Variants in KDM7A observed in about 807,000 individuals in gnomAD.
KDM7A encodes the protein lysine-specific demethylase 7A.
A neutral mutation model predicts 114.8 loss-of-function variants in KDM7A; 28 were observed. That is an observed-to-expected ratio of 0.24 (90% CI 0.18 to 0.33). The LOEUF is 0.33. KDM7A is among the 10% of genes least tolerant of loss of function. The pLI is 1.00. For missense variants in KDM7A, 942 were observed against 1,142.5 expected (o/e 0.82, Z 2.53); for synonymous variants, 423 against 397.8 (o/e 1.06, Z -0.75).
chr7:140,168,309 T>G (rs916855189), intron 1 of KDM7A, among the ~76,000 whole-genome samples: 4 of 152,210 alleles, frequency 2.6e-5, no homozygotes, highest in Non-Finnish European at 5.9e-5. Context: ...CTCATACCTG[T>G]AATCCCAGCA....
At chr7:140,173,219 C>T (rs1289536115) in intron 1 of KDM7A, among the ~76,000 whole-genome samples, 1 of 151,912 alleles carries the variant, frequency 6.6e-6, no homozygotes, top group Non-Finnish European at 1.5e-5. Flanking sequence ...CAGAACATTC[C>T]CGGCAAAATC....
At chr7:140,100,465 A>C (rs540175685) in intron 12 of KDM7A, among the ~76,000 whole-genome samples, 1 of 151,878 alleles carries the variant, frequency 6.6e-6, no homozygotes, top group Non-Finnish European at 1.5e-5. Context: ...ACCACTAGGA[A>C]CAAGGGTCAC....
chr7:140,121,650 GC>G (rs1446333197), intron 7 of KDM7A, among the ~76,000 whole-genome samples: 2 of 152,182 alleles, frequency 1.3e-5, no homozygotes, highest in Non-Finnish European at 2.9e-5. Context: ...GTGAGTGGGA[GC>G]CAGGAGTACA....
chr7:140,139,130 A>G lies in KDM7A; in HGVS notation c.255T>C (p.Cys85=). Residue 85 remains cysteine, a synonymous_variant, in exon 2 of 20, where the codon TGT becomes TGC. Coordinates refer to ENST00000397560, the MANE Select transcript of KDM7A (RefSeq NM_030647.2). Reference sequence around the variant, plus strand: ...TCAAGGAGGAACCATGTAAAACTGCACAGTTGGGACAGTGATACAGGTCAA... The same window carrying G: ...TCAAGGAGGAACCATGTAAAACTGCGCAGTTGGGACAGTGATACAGGTCAA... ...VDIDLYHCPN[C]AVLHGSSLMK... is the part of the protein sequence containing the mutation. The G allele has an allele frequency of 6.2e-7, 1 of 1,612,874 alleles. No individual in the cohort carries two copies. The highest frequency in any genetic ancestry group is 2.2e-5 in the East Asian group (1 of 44,822).
chr7:140,120,426 T>C lies in KDM7A; in HGVS notation c.1139+16A>G, dbSNP rs1488298907. 28 of 1,532,578 alleles carry C rather than the reference T, an allele frequency of 1.8e-5. No homozygotes were observed. The highest frequency in any genetic ancestry group is 2.5e-5 in the Non-Finnish European group (28 of 1,106,630). 94.9% of individuals were successfully genotyped at this position (1,532,578 alleles called of 1,614,324 possible). ...TAAAAAGGACAAAAGGTCATTTAAA[T>C]ACTGATGACACAAACCTGAGCTGCA... On this transcript the variant is annotated intron_variant, in intron 8 of 19. Coordinates refer to ENST00000397560, the MANE Select transcript of KDM7A (RefSeq NM_030647.2).
At chr7:140,166,335 CTTTTTTTTTTTTTT>C (rs746518929) in intron 1 of KDM7A, among the ~76,000 whole-genome samples, 1 of 128,668 alleles carries the variant, frequency 7.8e-6, no homozygotes, top group Non-Finnish European at 1.7e-5. Context: ...CTTTTTTTTC[CTTTTTTTTTTTTTT>C]TTTTTTTTGA....
rs369664125 is a variant in KDM7A at position 140,111,100 on chromosome 7, T to C, written c.1423A>G (p.Ile475Val). 7 of 1,565,550 alleles carry C rather than the reference T, an allele frequency of 4.5e-6. No homozygotes were observed. In the East Asian group the frequency reaches 1.1e-4, roughly 25 times the overall value. Residue 475 changes from isoleucine (I) to valine (V), a missense_variant, in exon 11 of 20, where the codon ATA becomes GTA. This residue lies in a region of KDM7A where 512 missense variants were observed against 576.6 expected (regional missense o/e 0.89). Coordinates refer to ENST00000397560, the MANE Select transcript of KDM7A (RefSeq NM_030647.2). Reference protein sequence around the residue: ...IKELSKVIRAIEEENGKPVKS... With the variant: ...IKELSKVIRAVEEENGKPVKS... ...ATGACAGTTTCCACTCTTACCTCTA[T>C]TGCTCGAATTACTTTAGAAAGTTCT...
intron 2 of KDM7A, among the ~76,000 whole-genome samples, chr7:140,138,814 G>A (rs996812177): frequency 6.6e-6 from 1 of 152,194 alleles, no homozygotes; most frequent in Non-Finnish European, 1.5e-5. Context: ...TCCAGAAACA[G>A]AAAAATTTTA....
At chr7:140,142,957 G>A (rs1201836801) in intron 1 of KDM7A, among the ~76,000 whole-genome samples, 6 of 151,764 alleles carry the variant, frequency 4.0e-5, no homozygotes, top group Admixed American at 1.3e-4. Context: ...CAAGGCGGGC[G>A]GATCACGAGG....
chr7:140,137,375 A>T (rs1818888741), intron 2 of KDM7A, among the ~76,000 whole-genome samples: 1 of 152,252 alleles, frequency 6.6e-6, no homozygotes, highest in South Asian at 2.1e-4. Context: ...GCCTCATAGT[A>T]ACTTACTTAG....
chr7:140,153,480 C>T (rs1267128025), intron 1 of KDM7A, among the ~76,000 whole-genome samples: 2 of 142,102 alleles, frequency 1.4e-5, no homozygotes, highest in African/African-American at 5.3e-5. Flanking sequence ...AGCGAGACTC[C>T]GTCTCAAAAA....
intron 1 of KDM7A, among the ~76,000 whole-genome samples, chr7:140,171,304 CAAAAAAAAA>C (rs59757938): frequency 1.6e-5 from 2 of 127,882 alleles, no homozygotes; most frequent in African/African-American, 2.8e-5. Flanking sequence ...ACTAAAAATA[CAAAAAAAAA>C]AAAAAATTAG....
At chr7:140,121,666 G>A (rs1428093240) in intron 7 of KDM7A, among the ~76,000 whole-genome samples, 1 of 152,174 alleles carries the variant, frequency 6.6e-6, no homozygotes, top group Non-Finnish European at 1.5e-5. Context: ...AGTACAATAT[G>A]TGAGACAGTT....
At chr7:140,149,352 A>G (rs901923520) in intron 1 of KDM7A, among the ~76,000 whole-genome samples, 1 of 152,216 alleles carries the variant, frequency 6.6e-6, no homozygotes, top group African/African-American at 2.4e-5. Context: ...TTTGCTCTTT[A>G]CTGCCTGACA....
At chr7:140,103,019 TAAGTA>T (rs375741421) in intron 11 of KDM7A, among the ~76,000 whole-genome samples, 46 of 152,264 alleles carry the variant, frequency 3.0e-4, no homozygotes, top group African/African-American at 1.1e-3. Flanking sequence ...TTAGTGGCAT[TAAGTA>T]GAGTCACAGT....
intron 13 of KDM7A, 105 bp downstream of exon 13, chr7:140,099,794 A>G: frequency 9.5e-7 from 1 of 1,052,948 alleles, no homozygotes; most frequent in East Asian, 2.4e-5. Context: ...TGTCTTCCAC[A>G]AAACCGGTCC....
At chr7:140,165,764 G>T (rs1431799233) in intron 1 of KDM7A, among the ~76,000 whole-genome samples, 2 of 152,160 alleles carry the variant, frequency 1.3e-5, no homozygotes, top group East Asian at 3.8e-4. Flanking sequence ...CACAAGAGCA[G>T]TGAGGCTGGT....
Position 140,084,958 on chromosome 7 carries a change from TAATC to T in KDM7A, c.*6132_*6135del, listed in dbSNP as rs951375786. On this transcript the variant is annotated 3_prime_UTR_variant, in exon 20 of 20. Coordinates refer to ENST00000397560, the MANE Select transcript of KDM7A (RefSeq NM_030647.2). ...ACAAGTCACTTGTCCTCCCCTATAA[TAATC>T]AATGTAAGCTACTTAAAGACTTACA... The T allele has an allele frequency of 6.6e-6, 1 of 152,196 alleles. No individual in the cohort carries two copies. Among genetic ancestry groups the T allele is most frequent in the African/African-American group, 2.4e-5 (1 of 41,440 alleles). The allele number at this position is 152,196 out of a possible 1,614,324, so 9.4% of individuals were successfully genotyped here. A position where few individuals can be genotyped will look rare whatever the true frequency, so the allele number is the denominator to read the frequency against.
intron 1 of KDM7A, among the ~76,000 whole-genome samples, chr7:140,175,381 A>G (rs1021184076): frequency 6.6e-5 from 10 of 152,174 alleles, no homozygotes; most frequent in African/African-American, 2.4e-4. Context: ...GGGGGAGCGG[A>G]GGCTGTATTT....
Sources: gnomAD v4.1 joint callset for allele counts (sites outside exome capture counted in the v4.1 genomes callset) on GRCh38, gnomAD v4.1.1 for gene constraint, gnomAD v4.1.1 regional missense constraint, MANE v1.5 for transcripts, NCBI Gene and HGNC (gene_info 2026-07-23, HGNC 2026-07-21) for gene names.